IQCJ: variants seen among roughly 807,000 people sequenced by gnomAD.
IQCJ encodes IQ motif containing J.
In IQCJ, 9 loss-of-function variants were observed where a neutral mutation model predicts 11.0. That is an observed-to-expected ratio of 0.82 (90% CI 0.49 to 1.43). IQCJ has a LOEUF of 1.43. IQCJ is among the 40% of genes most tolerant of loss of function. The probability of loss-of-function intolerance (pLI) is 0.00; values close to 1 mark genes in which losing one functional copy is unlikely to be tolerated. For synonymous variants in IQCJ, 55 were observed against 51.3 expected (o/e 1.07, Z -0.31); for missense variants, 146 against 133.2 (o/e 1.10, Z -0.47).
At chr3:159,221,742 C>T (rs899011829) in intron 1 of IQCJ, among the ~76,000 whole-genome samples, 3 of 151,864 alleles carry the variant, frequency 2.0e-5, no homozygotes, top group Admixed American at 2.0e-4. Flanking sequence ...GTTTTAACTC[C>T]ATTCACTCTC....
intron 1 of IQCJ, among the ~76,000 whole-genome samples, chr3:159,165,084 A>AC (rs1022209284): frequency 4.3e-5 from 2 of 47,002 alleles, no homozygotes; most frequent in African/African-American, 1.3e-4. Context: ...GTACCAAACT[A>AC]AAAGTAGGAA....
intron 1 of IQCJ, among the ~76,000 whole-genome samples, chr3:159,118,432 A>T (rs1719157833): frequency 6.6e-6 from 1 of 152,250 alleles, no homozygotes; most frequent in Non-Finnish European, 1.5e-5. Flanking sequence ...ATCAATATTT[A>T]TGAATGCTTA....
intron 1 of IQCJ, among the ~76,000 whole-genome samples, chr3:159,102,250 C>G (rs1407918629): frequency 6.6e-6 from 1 of 152,190 alleles, no homozygotes; most frequent in Non-Finnish European, 1.5e-5. Flanking sequence ...GCAGTAGTCA[C>G]TGGATAAAGA....
chr3:159,248,472 A>T (rs929626678), intron 2 of IQCJ, among the ~76,000 whole-genome samples: 6 of 152,194 alleles, frequency 3.9e-5, no homozygotes, highest in African/African-American at 1.4e-4. Flanking sequence ...ATAACTAAAG[A>T]GTTTTTTGCT....
intron 1 of IQCJ, among the ~76,000 whole-genome samples, chr3:159,130,106 G>A (rs1719908079): frequency 6.6e-6 from 1 of 152,022 alleles, no homozygotes; most frequent in African/African-American, 2.4e-5. Context: ...TAACCTCTGG[G>A]AACCTCTAAT....
intron 1 of IQCJ, among the ~76,000 whole-genome samples, chr3:159,130,574 G>T (rs1453417405): frequency 6.6e-6 from 1 of 152,152 alleles, no homozygotes; most frequent in Non-Finnish European, 1.5e-5. Flanking sequence ...AACATCATAA[G>T]GTTGAGGAGA....
intron 1 of IQCJ, among the ~76,000 whole-genome samples, chr3:159,189,918 A>G (rs945597950): frequency 5.9e-5 from 9 of 152,174 alleles, no homozygotes; most frequent in African/African-American, 1.9e-4. Context: ...CACTTATGCT[A>G]GGGTTCTTCA....
chr3:159,251,151 T>C (rs1054867476), intron 2 of IQCJ, among the ~76,000 whole-genome samples: 1 of 152,066 alleles, frequency 6.6e-6, no homozygotes, highest in Non-Finnish European at 1.5e-5. Context: ...ACCACCTACT[T>C]GTCATGTAGG....
chr3:159,211,502 G>A (rs1191976396), intron 1 of IQCJ, among the ~76,000 whole-genome samples: 1 of 152,194 alleles, frequency 6.6e-6, no homozygotes, highest in Non-Finnish European at 1.5e-5. Flanking sequence ...CTGTAGATGA[G>A]GGACAAGTTG....
At chr3:159,238,246 T>C (rs190396243) in intron 1 of IQCJ, among the ~76,000 whole-genome samples, 11 of 152,254 alleles carry the variant, frequency 7.2e-5, no homozygotes, top group African/African-American at 2.6e-4. Flanking sequence ...TCAACTTCTT[T>C]CTTCTGCTAC....
chr3:159,139,870 A>G (rs191313583), intron 1 of IQCJ, among the ~76,000 whole-genome samples: 1 of 152,346 alleles, frequency 6.6e-6, no homozygotes, highest in East Asian at 1.9e-4. Context: ...CATTTGCCTA[A>G]TAAAGAAATA....
intron 1 of IQCJ, among the ~76,000 whole-genome samples, chr3:159,093,754 C>A (rs1717514371): frequency 6.6e-6 from 1 of 151,862 alleles, no homozygotes; most frequent in Admixed American, 6.6e-5. Flanking sequence ...AAAGGGGAAG[C>A]AAACACATCC....
chr3:159,117,726 C>A (rs1045184260), intron 1 of IQCJ, among the ~76,000 whole-genome samples: 3 of 152,052 alleles, frequency 2.0e-5, no homozygotes, highest in African/African-American at 4.8e-5. Flanking sequence ...TGATAGGTAC[C>A]CTGCTAGGCC....
chr3:159,113,886 A>C (rs576789042), intron 1 of IQCJ, among the ~76,000 whole-genome samples: 1 of 152,242 alleles, frequency 6.6e-6, no homozygotes, highest in Non-Finnish European at 1.5e-5. Context: ...TATACATTGA[A>C]AAATGAGGAG....
chr3:159,120,300 A>C (rs561633257), intron 1 of IQCJ, among the ~76,000 whole-genome samples: 1 of 152,232 alleles, frequency 6.6e-6, no homozygotes, highest in South Asian at 2.1e-4. Context: ...GTGTATCCCT[A>C]TCCAGTTCCA....
At chr3:159,262,501 AC>A (rs1560047345) in intron 3 of IQCJ, 46 bp from the exon 4 acceptor site, 1 of 1,592,788 alleles carries the variant, frequency 6.3e-7, no homozygotes, top group Admixed American at 1.7e-5. Context: ...CCATGATCCA[AC>A]AGTAATCATG....
intron 1 of IQCJ, among the ~76,000 whole-genome samples, chr3:159,151,012 T>C (rs1374676328): frequency 6.6e-6 from 1 of 151,840 alleles, no homozygotes; most frequent in African/African-American, 2.4e-5. Flanking sequence ...ATGTTGGGAG[T>C]TGTGTGGGAA....
At chr3:159,110,641 G>A (rs1718567930) in intron 1 of IQCJ, among the ~76,000 whole-genome samples, 1 of 151,932 alleles carries the variant, frequency 6.6e-6, no homozygotes, top group African/African-American at 2.4e-5. Flanking sequence ...TGTTAGGAGG[G>A]GCCGTCTTTC....
At chr3:159,161,767 G>A (rs1196839792) in intron 1 of IQCJ, among the ~76,000 whole-genome samples, 4 of 152,150 alleles carry the variant, frequency 2.6e-5, no homozygotes, top group African/African-American at 7.2e-5. Flanking sequence ...AGTTTTCCCA[G>A]CACCATTTAT....
Sources: gnomAD v4.1 joint callset for allele counts (sites outside exome capture counted in the v4.1 genomes callset) on GRCh38, gnomAD v4.1.1 for gene constraint, MANE v1.5 for transcripts, NCBI Gene and HGNC (gene_info 2026-07-23, HGNC 2026-07-21) for gene names.